RBFOX1: variants seen among roughly 807,000 people sequenced by gnomAD.
RBFOX1 encodes RNA binding fox-1 homolog 1, also known as RNA binding protein fox-1 homolog 1.
In RBFOX1, 8 loss-of-function variants were observed where a neutral mutation model predicts 57.7. The ratio of observed to expected loss-of-function variants is 0.14; its 90% confidence interval spans 0.08 to 0.25. The LOEUF is 0.25. RBFOX1 is among the 10% of genes least tolerant of loss of function. The pLI, the probability that RBFOX1 is intolerant of heterozygous loss-of-function variation, is 1.00. For missense variants in RBFOX1, 611 were observed against 548.5 expected (o/e 1.11, Z -1.14); for synonymous variants, 326 against 222.4 (o/e 1.47, Z -4.15).
intron 14 of RBFOX1, among the ~76,000 whole-genome samples, chr16:7,703,788 C>T (rs995655349): frequency 6.6e-6 from 1 of 152,144 alleles, no homozygotes; most frequent in African/African-American, 2.4e-5. Context: ...ACCTTAAGTT[C>T]AAGTAAGTAT....
At chr16:6,626,257 CG>C (rs910908798) in intron 2 of RBFOX1, among the ~76,000 whole-genome samples, 2 of 151,812 alleles carry the variant, frequency 1.3e-5, no homozygotes, top group African/African-American at 4.8e-5. Context: ...AAATGTTGCC[CG>C]GGTGTCCTTT....
chr16:6,785,188 G>T (rs998653494), intron 3 of RBFOX1, among the ~76,000 whole-genome samples: 1 of 151,984 alleles, frequency 6.6e-6, no homozygotes, highest in African/African-American at 2.4e-5. Context: ...GTCTGCTCTG[G>T]AGAAAAAAAA....
At chr16:7,475,988 C>T (rs1360822038) in intron 4 of RBFOX1, among the ~76,000 whole-genome samples, 1 of 151,560 alleles carries the variant, frequency 6.6e-6, no homozygotes, top group Non-Finnish European at 1.5e-5. Flanking sequence ...ATTTTTGAGA[C>T]AGGGTCTCAC....
At chr16:5,592,126 G>A (rs573968358) in intron 2 of RBFOX1, among the ~76,000 whole-genome samples, 3 of 152,088 alleles carry the variant, frequency 2.0e-5, no homozygotes, top group Non-Finnish European at 2.9e-5. Flanking sequence ...AGAGGTATTT[G>A]CATGACCATC....
chr16:5,455,667 T>G (rs1301679655), intron 1 of RBFOX1, among the ~76,000 whole-genome samples: 1 of 152,184 alleles, frequency 6.6e-6, no homozygotes, highest in Non-Finnish European at 1.5e-5. Context: ...TTACTCTCCA[T>G]GCATATGATT....
At chr16:6,840,196 T>C (rs939298405) in intron 3 of RBFOX1, among the ~76,000 whole-genome samples, 1 of 152,200 alleles carries the variant, frequency 6.6e-6, no homozygotes, top group African/African-American at 2.4e-5. Flanking sequence ...CATAAATCAC[T>C]GGAAATTCTA....
intron 3 of RBFOX1, among the ~76,000 whole-genome samples, chr16:7,051,437 G>GT (rs1186618155): frequency 6.6e-6 from 1 of 152,244 alleles, no homozygotes; most frequent in Non-Finnish European, 1.5e-5. Context: ...CATGGCATAT[G>GT]TATTGCTAAT....
Position 6,341,757 on chromosome 16 carries a change from A to G in RBFOX1, c.-64+24700A>G, listed in dbSNP as rs1227249936. Among the ~76,000 whole-genome samples the G allele has an allele frequency of 3.9e-5, 6 of 152,116 alleles. No individual in the cohort carries two copies. In the South Asian group the frequency reaches 6.2e-4, roughly 16 times the overall value. On this transcript the variant is annotated intron_variant, in intron 2 of 15. Coordinates refer to ENST00000550418, the MANE Select transcript of RBFOX1 (RefSeq NM_018723.4). ...TCTATGGAGTAGCTGTTATTTCACC[A>G]CTTTACTTTCTAAATAAACTTGCTT...
chr16:6,216,508 G>T (rs1018030983), intron 1 of RBFOX1, among the ~76,000 whole-genome samples: 2 of 152,096 alleles, frequency 1.3e-5, no homozygotes, highest in African/African-American at 2.4e-5. Flanking sequence ...TCTGTATTTG[G>T]CTTGATTTTG....
At chr16:6,928,666 C>A (rs1301090383) in intron 3 of RBFOX1, among the ~76,000 whole-genome samples, 1 of 152,000 alleles carries the variant, frequency 6.6e-6, no homozygotes, top group Non-Finnish European at 1.5e-5. Context: ...CAAAAGTAGC[C>A]CTCAAATTAC....
chr16:7,501,348 A>G (rs907116399), intron 4 of RBFOX1, among the ~76,000 whole-genome samples: 1 of 152,212 alleles, frequency 6.6e-6, no homozygotes, highest in African/African-American at 2.4e-5. Context: ...CCTTCCATTC[A>G]TAAGACAAAG....
intron 3 of RBFOX1, among the ~76,000 whole-genome samples, chr16:5,627,095 C>A (rs780291688): frequency 2.2e-4 from 33 of 152,300 alleles, no homozygotes; most frequent in Non-Finnish European, 4.0e-4. Context: ...TTTAAGCCCT[C>A]AAATCTATTT....
intron 3 of RBFOX1, among the ~76,000 whole-genome samples, chr16:5,854,312 G>T (rs190079490): frequency 9.7e-4 from 148 of 152,288 alleles, no homozygotes; most frequent in African/African-American, 3.4e-3. Context: ...GAAACTTTGT[G>T]TGTTTTGACC....
At chr16:5,902,772 C>CT (rs1035971735) in intron 4 of RBFOX1, among the ~76,000 whole-genome samples, 5 of 152,250 alleles carry the variant, frequency 3.3e-5, no homozygotes, top group Admixed American at 2.0e-4. Flanking sequence ...ATCCACCCTC[C>CT]TTTTTTTGAT....
intron 3 of RBFOX1, among the ~76,000 whole-genome samples, chr16:5,839,690 C>G (rs1351963506): frequency 6.6e-6 from 1 of 151,902 alleles, no homozygotes; most frequent in Non-Finnish European, 1.5e-5. Flanking sequence ...TCACCATCCT[C>G]ATCCACATAT....
At chr16:6,726,133 C>A (rs1168779063) in intron 3 of RBFOX1, among the ~76,000 whole-genome samples, 1 of 152,070 alleles carries the variant, frequency 6.6e-6, no homozygotes, top group African/African-American at 2.4e-5. Flanking sequence ...CAGGAGGGGG[C>A]AGTAAATTTC....
intron 3 of RBFOX1, among the ~76,000 whole-genome samples, chr16:5,703,854 T>C (rs1438621625): frequency 6.6e-6 from 1 of 152,214 alleles, no homozygotes; most frequent in Non-Finnish European, 1.5e-5. Flanking sequence ...CTACATGTTA[T>C]AGATGATATG....
chr16:6,736,796 G>T (rs2070449452), intron 3 of RBFOX1, among the ~76,000 whole-genome samples: 1 of 152,310 alleles, frequency 6.6e-6, no homozygotes, highest in South Asian at 2.1e-4. Flanking sequence ...TTCTGACCAT[G>T]TATGGAATGC....
At chr16:7,195,139 T>C (rs182304409) in intron 4 of RBFOX1, among the ~76,000 whole-genome samples, 17 of 152,320 alleles carry the variant, frequency 1.1e-4, no homozygotes, top group African/African-American at 2.9e-4. Context: ...TCACCATGTT[T>C]TGTGCCTCAT....
Sources: gnomAD v4.1 joint callset for allele counts (sites outside exome capture counted in the v4.1 genomes callset) on GRCh38, gnomAD v4.1.1 for gene constraint, MANE v1.5 for transcripts, NCBI Gene and HGNC (gene_info 2026-07-23, HGNC 2026-07-21) for gene names.